The following TANK variants were observed in gnomAD, a reference collection of about 807,000 sequenced individuals.
The protein encoded by TANK is TRAF family member associated NFKB activator.
A neutral mutation model predicts 43.6 loss-of-function variants in TANK; 15 were observed. The observed-to-expected ratio is 0.34, with a 90% CI of 0.23 to 0.53. TANK has a LOEUF of 0.53. TANK is among the 20% of genes least tolerant of loss of function. The probability of loss-of-function intolerance (pLI) is 0.94; values close to 1 mark genes in which losing one functional copy is unlikely to be tolerated. For synonymous variants in TANK, 162 were observed against 178.2 expected (o/e 0.91, Z 0.73); for missense variants, 417 against 498.6 (o/e 0.84, Z 1.56).
intron 2 of TANK, chr2:161,200,449 A>T (rs1686352743): frequency 4.1e-6 from 4 of 968,926 alleles, no homozygotes; most frequent in Non-Finnish European, 4.9e-6. Context: ...CTTTCCAAAT[A>T]GCAAATAAAC....
intron 2 of TANK, among the ~76,000 whole-genome samples, chr2:161,198,797 GT>G (rs1225169929): frequency 6.6e-6 from 1 of 152,196 alleles, no homozygotes; most frequent in African/African-American, 2.4e-5. Context: ...TGAGAAATTG[GT>G]GGCAGCACTG....
chr2:161,168,827 T>C (rs1293255348), intron 1 of TANK, among the ~76,000 whole-genome samples: 1 of 151,992 alleles, frequency 6.6e-6, no homozygotes, highest in Non-Finnish European at 1.5e-5. Flanking sequence ...GAGTGAGAAT[T>C]GTACAAGATC....
chr2:161,154,362 C>T (rs1684165783), intron 1 of TANK, among the ~76,000 whole-genome samples: 1 of 152,136 alleles, frequency 6.6e-6, no homozygotes, highest in Admixed American at 6.5e-5. Flanking sequence ...GGACATAAGT[C>T]TGGAGAGTTA....
At chr2:161,168,925 T>G (rs965010643) in intron 1 of TANK, among the ~76,000 whole-genome samples, 4 of 152,164 alleles carry the variant, frequency 2.6e-5, no homozygotes, top group African/African-American at 9.6e-5. Flanking sequence ...GAGGAAAAAT[T>G]ACTTCCAACC....
chr2:161,208,428 A>G (rs1053931799), intron 4 of TANK, among the ~76,000 whole-genome samples: 3 of 152,166 alleles, frequency 2.0e-5, no homozygotes, highest in Admixed American at 2.0e-4. Context: ...TAGGGAAGGA[A>G]ATACTCAGTT....
chr2:161,184,737 C>G (rs1685580694), intron 2 of TANK, among the ~76,000 whole-genome samples: 1 of 152,040 alleles, frequency 6.6e-6, no homozygotes, highest in Admixed American at 6.6e-5. Flanking sequence ...ATGACTGAAA[C>G]CAAGGATGGA....
At chr2:161,185,671 A>G (rs987494856) in intron 2 of TANK, among the ~76,000 whole-genome samples, 7 of 132,450 alleles carry the variant, frequency 5.3e-5, no homozygotes, top group Non-Finnish European at 1.1e-4. Flanking sequence ...ATGAGATCAC[A>G]TGGACACAGG....
intron 4 of TANK, among the ~76,000 whole-genome samples, chr2:161,205,478 C>T (rs1472575244): frequency 4.6e-5 from 7 of 152,010 alleles, no homozygotes; most frequent in Non-Finnish European, 1.0e-4. Context: ...CTAGCTTTTT[C>T]TTCAATAGTC....
intron 1 of TANK, among the ~76,000 whole-genome samples, chr2:161,153,296 T>A (rs1001725345): frequency 3.9e-5 from 6 of 152,122 alleles, no homozygotes; most frequent in African/African-American, 1.4e-4. Flanking sequence ...TTAAGGCAAC[T>A]GATTGAAAGT....
At chr2:161,163,514 G>A (rs1410847321) in intron 1 of TANK, 1 of 152,080 alleles carries the variant, frequency 6.6e-6, no homozygotes, top group Non-Finnish European at 1.5e-5. Context: ...CTTCAGTTAT[G>A]TTACAGAAGC....
rs1688138813 is a variant in TANK, at chr2:161,235,549, T to C, written c.*31T>C. On this transcript the variant is annotated 3_prime_UTR_variant, in exon 8 of 8. Transcript: ENST00000392749. ...ATTTGAAAACAGACATATCAAGTTC[T>C]ATGTGATGATTTTGGGTTTTTAATA... 1 of 1,561,260 alleles carries C rather than the reference T, an allele frequency of 6.4e-7. No homozygotes were observed. Among genetic ancestry groups the C allele is most frequent in the Non-Finnish European group, 8.7e-7 (1 of 1,152,180 alleles).
At chr2:161,190,777 T>TA (rs1339404056) in intron 2 of TANK, among the ~76,000 whole-genome samples, 1 of 151,808 alleles carries the variant, frequency 6.6e-6, no homozygotes, top group Non-Finnish European at 1.5e-5. Context: ...AGTAGAAGGG[T>TA]AGTTGCCAGA....
chr2:161,229,675 A>G (rs1049724199), intron 6 of TANK, among the ~76,000 whole-genome samples: 1 of 152,258 alleles, frequency 6.6e-6, no homozygotes, highest in African/African-American at 2.4e-5. Flanking sequence ...GAGACTGCCA[A>G]GACCAAAGGA....
At chr2:161,202,977 C>A in intron 2 of TANK, 1 of 366,074 alleles carries the variant, frequency 2.7e-6, no homozygotes, top group Non-Finnish European at 5.5e-6. Context: ...GGAGAAGTTT[C>A]TGGTCAGTAT....
At chr2:161,234,189 A>G (rs779985659) in intron 7 of TANK, among the ~76,000 whole-genome samples, 24 of 152,202 alleles carry the variant, frequency 1.6e-4, no homozygotes, top group Non-Finnish European at 2.8e-4. Flanking sequence ...AAGTGCTTCC[A>G]TTAGTAATAT....
At chr2:161,160,142 T>C (rs1247473969), upstream of TANK, 1 of 350,008 alleles carries the variant, frequency 2.9e-6, no homozygotes, top group Non-Finnish European at 5.1e-6. Flanking sequence ...CGGTTATTTA[T>C]CGTTTGGCAA....
At chr2:161,199,290 T>A (rs1230672628) in intron 2 of TANK, among the ~76,000 whole-genome samples, 3 of 152,100 alleles carry the variant, frequency 2.0e-5, no homozygotes, top group African/African-American at 7.2e-5. Flanking sequence ...AATTCCTTAA[T>A]AAATCATTGG....
rs185261697 is a variant in TANK at position 161,137,368 on chromosome 2, A to G, written c.-50+305A>G. On this transcript the variant is annotated intron_variant, in intron 1 of 7. Coordinates refer to the TANK transcript ENST00000259075. ...GTGAGACCCCATCTCTATTTAATAA[A>G]TAAATAAGTAAATAATGGGGTCCCT... 9.0e-4 allele frequency: 297 copies of G among 331,710 alleles called. 1 individual carries two copies. The highest frequency in any genetic ancestry group is 6.4e-3 in the African/African-American group (283 of 44,516). 20.5% of individuals were successfully genotyped at this position (331,710 alleles called of 1,614,324 possible).
chr2:161,155,357 T>C (rs2105235447), intron 1 of TANK, among the ~76,000 whole-genome samples: 1 of 152,316 alleles, frequency 6.6e-6, no homozygotes, highest in South Asian at 2.1e-4. Flanking sequence ...CAACATGTTT[T>C]TAATTTATGT....
Sources: gnomAD v4.1 joint callset for allele counts (sites outside exome capture counted in the v4.1 genomes callset) on GRCh38, gnomAD v4.1.1 for gene constraint, MANE v1.5 for transcripts, NCBI Gene and HGNC (gene_info 2026-07-23, HGNC 2026-07-21) for gene names.